Variants in SLC6A18 observed in about 807,000 individuals in gnomAD.
SLC6A18 encodes the protein inactive sodium-dependent neutral amino acid transporter B(0)AT3.
In SLC6A18, 58 loss-of-function variants were observed where a neutral mutation model predicts 62.9. The observed-to-expected ratio is 0.92, with a 90% CI of 0.75 to 1.15. The LOEUF (loss-of-function observed/expected upper bound fraction) is 1.15. Among genes scored for constraint, SLC6A18 ranks in the 50% most tolerant of loss-of-function variants. The probability of loss-of-function intolerance (pLI) is 0.00; values close to 1 mark genes in which losing one functional copy is unlikely to be tolerated. For missense variants in SLC6A18, 793 were observed against 836.6 expected (o/e 0.95, Z 0.64); for synonymous variants, 382 against 365.8 (o/e 1.04, Z -0.51).
chr5:1,226,973 C>CGCCTTGCCCGCCGAT (rs1746590747), intron 1 of SLC6A18, among the ~76,000 whole-genome samples: 1 of 101,930 alleles, frequency 9.8e-6, no homozygotes, highest in African/African-American at 3.6e-5. Context: ...TGCCCACCGA[C>CGCCTTGCCCGCCGAT]GCCTTGCCCA....
At chr5:1,244,188 C>CCCCCCCCCCTTT in intron 9 of SLC6A18, 26 bp from the exon 10 acceptor site, 1 of 1,572,670 alleles carries the variant, frequency 6.4e-7, no homozygotes, top group Non-Finnish European at 8.7e-7. Flanking sequence ...CCCCTTACCC[C>CCCCCCCCCCTTT]CCACACCCCT....
chr5:1,245,915 C>A lies in SLC6A18; in HGVS notation c.1724C>A (p.Ser575Tyr). Residue 575 changes from serine to tyrosine, a missense_variant, in exon 12 of 12, where the codon TCC becomes TAC. Physicochemically the swap from Ser to Tyr is moderately radical, Grantham distance 144 (BLOSUM62 -2). Coordinates refer to ENST00000324642, the MANE Select transcript of SLC6A18 (RefSeq NM_182632.3). The part of the protein sequence containing the change: ...GWARAACVLL[S>Y]LLPVLWVPVA... The stretch of plus-strand genomic sequence containing the variant: ...GCGCGCGCCGCCTGTGTGCTGCTGT[C>A]CTTGCTGCCCGTGCTGTGGGTCCCG... 2 of 1,606,814 alleles carry A rather than the reference C, an allele frequency of 1.2e-6. No individual in the cohort carries two copies. Among genetic ancestry groups the A allele is most frequent in the Non-Finnish European group, 1.7e-6 (2 of 1,179,544 alleles).
Position 1,232,370 on chromosome 5 carries a change from G to T in SLC6A18, c.301+11G>T. 6.2e-7 allele frequency: 1 copy of T among 1,603,268 alleles called. No homozygotes were observed. On this transcript the variant is annotated intron_variant, in intron 2 of 11. Coordinates refer to ENST00000324642, the MANE Select transcript of SLC6A18 (RefSeq NM_182632.3). Reference sequence around the variant, plus strand: ...ACCTCAGTGGAGTAGGTAGGCCACCGTCCTCGCTTGCCCTGACTGAGGCTG... The same window carrying T: ...ACCTCAGTGGAGTAGGTAGGCCACCTTCCTCGCTTGCCCTGACTGAGGCTG...
intron 11 of SLC6A18, 118 bp downstream of exon 11, chr5:1,244,885 AGGTGG>A: frequency 8.0e-7 from 1 of 1,247,182 alleles, no homozygotes; most frequent in Non-Finnish European, 1.1e-6. Flanking sequence ...GCTAGTGACA[AGGTGG>A]CGTGGTCACT....
intron 7 of SLC6A18, among the ~76,000 whole-genome samples, chr5:1,240,982 A>G (rs1747044958): frequency 6.6e-6 from 1 of 152,220 alleles, no homozygotes; most frequent in African/African-American, 2.4e-5. Flanking sequence ...CAGAGGTCGC[A>G]GCGCTTGTGG....
intron 6 of SLC6A18, among the ~76,000 whole-genome samples, chr5:1,239,897 G>A (rs189968752): frequency 1.3e-5 from 2 of 152,342 alleles, no homozygotes; most frequent in Non-Finnish European, 2.9e-5. Flanking sequence ...CTGCTTTTAT[G>A]ATATCTTAAT....
At chr5:1,232,382 C>T (rs745972449) in intron 2 of SLC6A18, 23 bp downstream of exon 2, 14 of 1,597,472 alleles carry the variant, frequency 8.8e-6, no homozygotes, top group Non-Finnish European at 1.1e-5. Context: ...CCTCGCTTGC[C>T]CTGACTGAGG....
Position 1,244,357 on chromosome 5 carries a change from G to C in SLC6A18, c.1480G>C (p.Val494Leu). 1 of 1,611,892 alleles carries C rather than the reference G, an allele frequency of 6.2e-7. No individual in the cohort carries two copies. Among genetic ancestry groups the C allele is most frequent in the African/African-American group, 1.3e-5 (1 of 74,908 alleles). The change falls in exon 10 of 12, where the codon GTT becomes CTT. Residue 494 changes from valine (V) to leucine (L), a missense_variant. By Grantham distance (32) the Val-to-Leu change is conservative. Transcript: ENST00000324642. ...AFLEVVGVVY[V>L]YGMKRFCDDI... ...TCTCGAGGTTGTGGGTGTCGTTTATGTTTATGGAATGAAACGGTGAGCTGC... is the reference window on the plus strand; with the variant it reads ...TCTCGAGGTTGTGGGTGTCGTTTATCTTTATGGAATGAAACGGTGAGCTGC...
chr5:1,246,142 G>C lies in SLC6A18; in HGVS notation c.*64G>C. ...GGGGGCTTGGCCTGATGGTGGGCGG[G>C]GCCCCGCCCACAGGGCCGACCCCAA... On this transcript the variant is annotated 3_prime_UTR_variant, in exon 12 of 12. Transcript: ENST00000324642. The C allele has an allele frequency of 4.7e-6, 7 of 1,476,740 alleles. No individual in the cohort carries two copies. Among genetic ancestry groups the C allele is most frequent in the African/African-American group, 1.5e-5 (1 of 68,694 alleles). The allele number at this position is 1,476,740 out of a possible 1,614,324, so 91.5% of individuals were successfully genotyped here. A position where few individuals can be genotyped will look rare whatever the true frequency, so the allele number is the denominator to read the frequency against.
intron 5 of SLC6A18, among the ~76,000 whole-genome samples, chr5:1,238,458 C>T (rs112670160): frequency 2.5e-5 from 2 of 79,866 alleles, no homozygotes; most frequent in Non-Finnish European, 4.5e-5. Flanking sequence ...CTTGGGGCCT[C>T]AGGAAAGAGG....
chr5:1,230,142 C>A, intron 1 of SLC6A18, among the ~76,000 whole-genome samples: 1 of 143,536 alleles, frequency 7.0e-6, no homozygotes, highest in South Asian at 2.2e-4. Context: ...GAGGGGCTTT[C>A]ACAGTGCAGG....
intron 1 of SLC6A18, among the ~76,000 whole-genome samples, chr5:1,229,692 C>T (rs1423567010): frequency 1.3e-5 from 2 of 152,226 alleles, no homozygotes; most frequent in African/African-American, 2.4e-5. Flanking sequence ...GCCACTACTG[C>T]GGGATGGGTG....
chr5:1,226,347 C>G (rs1455133423), intron 1 of SLC6A18, among the ~76,000 whole-genome samples: 1 of 152,222 alleles, frequency 6.6e-6, no homozygotes, highest in Non-Finnish European at 1.5e-5. Context: ...GCATGAATCA[C>G]TGCTCTCAGG....
In SLC6A18 at chr5:1,239,437, T is replaced by C. The variant is rs538505499; in HGVS notation, c.733-13T>C. The C allele has an allele frequency of 6.2e-7, 1 of 1,601,556 alleles. No individual in the cohort carries two copies. Among genetic ancestry groups the C allele is most frequent in the Non-Finnish European group, 8.6e-7 (1 of 1,168,770 alleles). On this transcript the variant is annotated splice_polypyrimidine_tract_variant and intron_variant, in intron 5 of 11. Coordinates refer to ENST00000324642, the MANE Select transcript of SLC6A18 (RefSeq NM_182632.3). The stretch of plus-strand genomic sequence containing the variant: ...TGCCTGCTGAGTGAGACGCTCTCCC[T>C]GACTCATTCCAGATGCACATTCTCC...
chr5:1,232,757 GC>G lies in SLC6A18; in HGVS notation c.309del (p.Cys104ValfsTer7). On this transcript the variant is annotated frameshift_variant, in exon 3 of 12. Transcript: ENST00000324642. LOFTEE classifies it high-confidence loss of function. ...ACATGGTCCCTGTCCACAGGGCTGG[GC>G]TGTGTCACGCTGTCCTTCCTGATCA... ...ISPYLSGVGL[G>X]CVTLSFLISL... The G allele has an allele frequency of 6.2e-7, 1 of 1,612,680 alleles. No individual in the cohort carries two copies. Among genetic ancestry groups the G allele is most frequent in the Non-Finnish European group, 8.5e-7 (1 of 1,179,506 alleles).
At position 1,232,341 on chromosome 5, in the gene SLC6A18, C is replaced by G. The variant is rs778170774; in HGVS notation, c.283C>G (p.Pro95Ala). ...CGTCGGCGTGTGGACGGCCATCTCC[C>G]CGTACCTCAGTGGAGTAGGTAGGCC... ...GSVGVWTAIS[P>A]YLSGVGLGCV... Residue 95 changes from proline to alanine, a missense_variant, in exon 2 of 12, where the codon CCG becomes GCG. Pro to Ala is a conservative substitution (Grantham distance 27). Coordinates refer to ENST00000324642, the MANE Select transcript of SLC6A18 (RefSeq NM_182632.3). The G allele has an allele frequency of 1.9e-6, 3 of 1,611,368 alleles. No homozygotes were observed. Among genetic ancestry groups the G allele is most frequent in the Non-Finnish European group, 2.5e-6 (3 of 1,179,648 alleles).
At chr5:1,236,626 C>T (rs1746889568) in intron 4 of SLC6A18, among the ~76,000 whole-genome samples, 1 of 152,184 alleles carries the variant, frequency 6.6e-6, no homozygotes, top group Admixed American at 6.5e-5. Context: ...TGGTATCACA[C>T]ATGTGTGGAT....
rs1248440744 is a variant in SLC6A18 at position 1,242,791 on chromosome 5, G to T, written c.1059G>T (p.Leu353=). The T allele has an allele frequency of 2.5e-6, 4 of 1,613,910 alleles. No individual in the cohort carries two copies. ...ACTACCCAGCCGTCCTCATGCACCT[G>T]AACGCCACCTGGCCCAAGAGGGTGG... is the stretch of plus-strand genomic sequence containing the variant. ...RDDYPAVLMH[L]NATWPKRVAQ... Residue 353 remains leucine, a synonymous_variant, in exon 8 of 12, where the codon CTG becomes CTT. Coordinates refer to ENST00000324642, the MANE Select transcript of SLC6A18 (RefSeq NM_182632.3).
At position 1,238,060 on chromosome 5, in the gene SLC6A18, C is replaced by T. The variant is rs200651395; in HGVS notation, c.732C>T (p.Asn244=). Residue 244 remains asparagine, a splice_region_variant and synonymous_variant, in exon 5 of 12, where the codon AAC becomes AAT. Coordinates refer to ENST00000324642, the MANE Select transcript of SLC6A18 (RefSeq NM_182632.3). The stretch of plus-strand genomic sequence containing the variant: ...GACTCATCTACTTGTTCACTCCCAA[C>T]GTAAGTGGGTCTTGGATCAAAGTTC... ...TKGLIYLFTP[N]MHILQNPRVW... 223 of 1,608,672 alleles carry T rather than the reference C, an allele frequency of 1.4e-4. No individual in the cohort carries two copies. Among genetic ancestry groups the T allele is most frequent in the Middle Eastern group, 1.7e-4 (1 of 6,046 alleles).
Sources: allele counts gnomAD v4.1 joint callset (sites outside exome capture counted in the v4.1 genomes callset), GRCh38; gene constraint gnomAD v4.1.1; transcripts MANE v1.5; gene names NCBI Gene and HGNC (gene_info 2026-07-23, HGNC 2026-07-21).